FAM136A: variants seen among roughly 807,000 people sequenced by gnomAD.
FAM136A encodes TIM double twin CX3C motif chaperone.
A neutral mutation model predicts 21.6 loss-of-function variants in FAM136A; 25 were observed. The ratio of observed to expected loss-of-function variants is 1.16; its 90% confidence interval spans 0.84 to 1.62. The LOEUF is 1.62. Among genes scored for constraint, FAM136A ranks in the 40% most tolerant of loss-of-function variants. The pLI, the probability that FAM136A is intolerant of heterozygous loss-of-function variation, is 0.00. For synonymous variants in FAM136A, 119 were observed against 129.4 expected (o/e 0.92, Z 0.55); for missense variants, 338 against 332.0 (o/e 1.02, Z -0.14).
intron 1 of FAM136A, chr2:70,301,388 A>G: frequency 6.6e-7 from 1 of 1,522,364 alleles, no homozygotes. Flanking sequence ...CTCAAGGGGC[A>G]CTATCTGGGA....
At position 70,297,339 on chromosome 2, in the gene FAM136A, G is replaced by C. The variant is rs1697277897; in HGVS notation, c.688C>G (p.Pro230Ala). ...KCVDDHMHLI[P>A]TMTKKMKEAL... ...TCCTTCATCTTCTTGGTCATAGTTG[G>C]GATGAGGTGCATGTGGTCATCCACA... Residue 230 changes from proline to alanine, a missense_variant, in exon 3 of 3, where the codon CCA becomes GCA. Transcript: ENST00000430566. 1 of 1,613,876 alleles carries C rather than the reference G, an allele frequency of 6.2e-7. No homozygotes were observed. The highest frequency in any genetic ancestry group is 1.3e-5 in the African/African-American group (1 of 74,908).
intron 1 of FAM136A, 128 bp downstream of exon 1, chr2:70,301,476 C>T: frequency 6.5e-7 from 1 of 1,535,604 alleles, no homozygotes; most frequent in African/African-American, 1.4e-5. Context: ...GTGTAGAAAC[C>T]CGCGCTGTGT....
At chr2:70,298,227 G>C (rs576900892) in intron 2 of FAM136A, among the ~76,000 whole-genome samples, 34 of 152,054 alleles carry the variant, frequency 2.2e-4, no homozygotes, top group Non-Finnish European at 3.8e-4. Context: ...TGAGTAGCTA[G>C]GATTACAGGC....
At chr2:70,299,701 C>G (rs765601428) in intron 2 of FAM136A, among the ~76,000 whole-genome samples, 2 of 151,854 alleles carry the variant, frequency 1.3e-5, no homozygotes, top group Admixed American at 1.3e-4. Flanking sequence ...CCCGGATTCA[C>G]GCCATTCTCC....
chr2:70,297,558 T>C, intron 2 of FAM136A, 81 bp from the exon 3 acceptor site: 1 of 1,390,908 alleles, frequency 7.2e-7, no homozygotes, highest in Non-Finnish European at 9.9e-7. Context: ...TTAGGCCCTG[T>C]GCTACAGGTT....
At chr2:70,299,203 A>G (rs1697329341) in intron 2 of FAM136A, among the ~76,000 whole-genome samples, 1 of 152,226 alleles carries the variant, frequency 6.6e-6, no homozygotes, top group African/African-American at 2.4e-5. Flanking sequence ...TTCCATGTGG[A>G]TGGAACCTCA....
rs1697406080 is a variant in FAM136A at position 70,301,666 on chromosome 2, C to T, written c.346G>A (p.Gly116Arg). The change falls in exon 1 of 3, where the codon GGA becomes AGA. Residue 116 changes from glycine (G) to arginine (R), a missense_variant. By Grantham distance (125) the Gly-to-Arg change is moderately radical. Coordinates refer to ENST00000430566, the MANE Select transcript of FAM136A (RefSeq NM_001329752.2). ...PGQERPRRQV[G>R]SPWWQALAPP... ...GCGAGCGCCTGCCACCAGGGGCTTC[C>T]CACCTGCCGCCGAGGACGCTCCTGC... 1.3e-6 allele frequency: 2 copies of T among 1,535,054 alleles called. No individual in the cohort carries two copies. The highest frequency in any genetic ancestry group is 1.7e-6 in the Non-Finnish European group (2 of 1,146,188).
intron 2 of FAM136A, among the ~76,000 whole-genome samples, chr2:70,299,889 C>T (rs1002999971): frequency 2.0e-5 from 3 of 147,556 alleles, no homozygotes; most frequent in African/African-American, 7.5e-5. Flanking sequence ...TGTGAGCCAC[C>T]GTGCCTGAAC....
intron 2 of FAM136A, 107 bp from the exon 3 acceptor site, chr2:70,297,584 T>C: frequency 3.8e-6 from 4 of 1,056,000 alleles, no homozygotes; most frequent in South Asian, 1.7e-5. Flanking sequence ...TGTATTATCT[T>C]GGTCAATTAA....
chr2:70,301,491 C>T, intron 1 of FAM136A, 113 bp downstream of exon 1: 2 of 1,535,680 alleles, frequency 1.3e-6, no homozygotes, highest in Non-Finnish European at 1.7e-6. Context: ...CTGTGTGAAG[C>T]GAGGTTGGGC....
intron 2 of FAM136A, among the ~76,000 whole-genome samples, chr2:70,299,900 A>T (rs1489755715): frequency 1.4e-5 from 2 of 140,864 alleles, no homozygotes; most frequent in East Asian, 2.2e-4. Flanking sequence ...GTGCCTGAAC[A>T]TTATTTATTT....
At position 70,301,681 on chromosome 2, in the gene FAM136A, G is replaced by A. The variant is rs555022140; in HGVS notation, c.331C>T (p.Pro111Ser). ...SAPSSPGQER[P>S]RRQVGSPWWQ... Reference sequence around the variant, plus strand: ...CAGGGGCTTCCCACCTGCCGCCGAGGACGCTCCTGCCCCGGGCTGGAAGGG... The same window carrying A: ...CAGGGGCTTCCCACCTGCCGCCGAGAACGCTCCTGCCCCGGGCTGGAAGGG... The change falls in exon 1 of 3, where the codon CCT becomes TCT. Residue 111 changes from proline to serine, a missense_variant. Transcript: ENST00000430566. 2.8e-5 allele frequency: 43 copies of A among 1,535,184 alleles called. No homozygotes were observed. Among genetic ancestry groups the A allele is most frequent in the Admixed American group, 9.8e-5 (5 of 50,962 alleles).
chr2:70,299,773 T>C (rs1239560568), intron 2 of FAM136A, among the ~76,000 whole-genome samples: 1 of 150,382 alleles, frequency 6.6e-6, no homozygotes, highest in Non-Finnish European at 1.5e-5. Context: ...GCCAATTTTT[T>C]GTATTTTTAG....
At position 70,301,413 on chromosome 2, in the gene FAM136A, G is replaced by C. The variant is rs754396077; in HGVS notation, c.408+191C>G. ...ACTATCTGGGAAACGCATACTCCGT[G>C]AGAGAAGCAGGACCGAAACACACAG... is the stretch of plus-strand genomic sequence containing the variant. On this transcript the variant is annotated intron_variant, in intron 1 of 2. Coordinates refer to ENST00000430566, the MANE Select transcript of FAM136A (RefSeq NM_001329752.2). 8 of 1,532,792 alleles carry C rather than the reference G, an allele frequency of 5.2e-6. No homozygotes were observed. The African/African-American group carries it at 9.6e-5, about 18-fold the overall frequency. 94.9% of individuals were successfully genotyped at this position (1,532,792 alleles called of 1,614,324 possible).
chr2:70,299,952 C>T (rs1005970199), intron 2 of FAM136A, among the ~76,000 whole-genome samples: 2 of 149,530 alleles, frequency 1.3e-5, no homozygotes, highest in Admixed American at 6.7e-5. Flanking sequence ...CAGGCTGGAG[C>T]GCAATGGCAT....
Position 70,300,847 on chromosome 2 carries a change from T to G in FAM136A, c.542A>C (p.Lys181Thr). Residue 181 changes from lysine to threonine, a missense_variant, in exon 2 of 3, where the codon AAG becomes ACG. Coordinates refer to ENST00000430566, the MANE Select transcript of FAM136A (RefSeq NM_001329752.2). ...AQALVTSELE[K>T]FQDRLARCTM... is the part of the protein sequence containing the mutation. ...GTCTAGGATATTTCTCACCTGGAACTTCTCCAGCTCACTGGTGACCAAAGC... is the reference window on the plus strand; with the variant it reads ...GTCTAGGATATTTCTCACCTGGAACGTCTCCAGCTCACTGGTGACCAAAGC... 5.0e-6 allele frequency: 8 copies of G among 1,609,488 alleles called. No homozygotes were observed. The highest frequency in any genetic ancestry group is 6.8e-6 in the Non-Finnish European group (8 of 1,176,146).
At position 70,301,674 on chromosome 2, in the gene FAM136A, C is replaced by G. The variant is rs538268902; in HGVS notation, c.338G>C (p.Arg113Pro). The change falls in exon 1 of 3, where the codon CGG becomes CCG. Residue 113 changes from arginine (R) to proline (P), a missense_variant. Coordinates refer to ENST00000430566, the MANE Select transcript of FAM136A (RefSeq NM_001329752.2). ...PSSPGQERPR[R>P]QVGSPWWQAL... Reference sequence around the variant, plus strand: ...CTGCCACCAGGGGCTTCCCACCTGCCGCCGAGGACGCTCCTGCCCCGGGCT... The same window carrying G: ...CTGCCACCAGGGGCTTCCCACCTGCGGCCGAGGACGCTCCTGCCCCGGGCT... The G allele has an allele frequency of 6.5e-7, 1 of 1,535,004 alleles. No individual in the cohort carries two copies. The highest frequency in any genetic ancestry group is 2.0e-5 in the Admixed American group (1 of 50,946).
At chr2:70,299,836 G>A (rs1484492059) in intron 2 of FAM136A, among the ~76,000 whole-genome samples, 5 of 152,022 alleles carry the variant, frequency 3.3e-5, no homozygotes, top group Non-Finnish European at 5.9e-5. Flanking sequence ...TCCTGACCTC[G>A]TGATCTGCCT....
chr2:70,297,094 C>A lies in FAM136A; in HGVS notation c.*195G>T. The A allele has an allele frequency of 1.7e-6, 1 of 583,824 alleles. No individual in the cohort carries two copies. Among genetic ancestry groups the A allele is most frequent in the Non-Finnish European group, 3.0e-6 (1 of 336,042 alleles). The allele number at this position is 583,824 out of a possible 1,614,324, so 36.2% of individuals were successfully genotyped here. A position where few individuals can be genotyped will look rare whatever the true frequency, so the allele number is the denominator to read the frequency against. ...GTAATATCTCTGACTCGATTTAGCACCACTTTTTTCCATTTCATTTTTTAG... is the reference window on the plus strand; with the variant it reads ...GTAATATCTCTGACTCGATTTAGCAACACTTTTTTCCATTTCATTTTTTAG... On this transcript the variant is annotated 3_prime_UTR_variant, in exon 3 of 3. Coordinates refer to ENST00000430566, the MANE Select transcript of FAM136A (RefSeq NM_001329752.2).
Sources: gnomAD v4.1 joint callset for allele counts (sites outside exome capture counted in the v4.1 genomes callset) on GRCh38, gnomAD v4.1.1 for gene constraint, MANE v1.5 for transcripts, NCBI Gene and HGNC (gene_info 2026-07-23, HGNC 2026-07-21) for gene names.